The following CKAP2 variants were observed in gnomAD, a reference collection of about 807,000 sequenced individuals.
CKAP2 encodes the protein cytoskeleton-associated protein 2.
Under a neutral mutation model 58.4 loss-of-function variants are expected in CKAP2, and 46 were observed. The ratio of observed to expected loss-of-function variants is 0.79; its 90% confidence interval spans 0.62 to 1.01. The LOEUF (loss-of-function observed/expected upper bound fraction) is 1.01, where lower values mean the gene tolerates loss of function less well. Among genes scored for constraint, CKAP2 ranks in the 50% least tolerant of loss-of-function variants. The probability of loss-of-function intolerance (pLI) is 0.00; values close to 1 mark genes in which losing one functional copy is unlikely to be tolerated. For missense variants in CKAP2, 809 were observed against 796.4 expected (o/e 1.02, Z -0.19); for synonymous variants, 293 against 280.9 (o/e 1.04, Z -0.43).
intron 2 of CKAP2, among the ~76,000 whole-genome samples, chr13:52,459,318 A>T (rs987834194): frequency 6.6e-6 from 1 of 151,796 alleles, no homozygotes; most frequent in Non-Finnish European, 1.5e-5. Context: ...ATATATATAT[A>T]TTTTGTTTTG....
chr13:52,456,030 G>C, intron 1 of CKAP2: 1 of 1,046,048 alleles, frequency 9.6e-7, no homozygotes, highest in Non-Finnish European at 1.1e-6. Context: ...CAGGGCTGGG[G>C]TCGCATCATG....
chr13:52,465,542 ATAACT>A, intron 6 of CKAP2, 77 bp downstream of exon 6: 1 of 1,308,288 alleles, frequency 7.6e-7, no homozygotes, highest in Non-Finnish European at 1.1e-6. Context: ...ACATCACAAC[ATAACT>A]TGAGAAAATT....
At chr13:52,462,252 A>G (rs1958597435) in intron 4 of CKAP2, 111 bp from the exon 5 acceptor site, 1 of 886,010 alleles carries the variant, frequency 1.1e-6, no homozygotes, top group Non-Finnish European at 1.7e-6. Context: ...TGTGAACTAT[A>G]TATGCCATTA....
chr13:52,466,724 A>T (rs1958682916), intron 6 of CKAP2, among the ~76,000 whole-genome samples: 1 of 152,194 alleles, frequency 6.6e-6, no homozygotes, highest in Non-Finnish European at 1.5e-5. Flanking sequence ...TATAGTCTCA[A>T]CTACTTGGGA....
chr13:52,473,924 A>C lies in CKAP2; in HGVS notation c.1642A>C (p.Met548Leu), dbSNP rs570389838. ...TGATGTAGATCCAGAAAAACTGGAA[A>C]TGGAGAGTAAACTTCATAGAAATTT... ...GVDVDPEKLE[M>L]ESKLHRNLLF... is the part of the protein sequence containing the mutation. The change falls in exon 8 of 9, where the codon ATG (methionine) becomes CTG (leucine). Residue 548 changes from methionine (M) to leucine (L), a missense_variant. This residue lies in a region of CKAP2 where 283 missense variants were observed against 287.6 expected (regional missense o/e 0.98). Transcript: ENST00000258607. The C allele has an allele frequency of 6.2e-7, 1 of 1,614,000 alleles. No individual in the cohort carries two copies. The highest frequency in any genetic ancestry group is 8.5e-7 in the Non-Finnish European group (1 of 1,180,000).
At chr13:52,473,796 C>A in intron 7 of CKAP2, 33 bp from the exon 8 acceptor site, 1 of 1,550,698 alleles carries the variant, frequency 6.4e-7, no homozygotes, top group South Asian at 1.2e-5. Context: ...AAAATTCAGC[C>A]AAAAGCTTAA....
Position 52,473,584 on chromosome 13 carries a change from G to A in CKAP2, c.1547-245G>A, listed in dbSNP as rs1958787778. On this transcript the variant is annotated intron_variant, in intron 7 of 8. Coordinates refer to ENST00000258607, the MANE Select transcript of CKAP2 (RefSeq NM_018204.5). The stretch of plus-strand genomic sequence containing the variant: ...TCTCCCTATACCACAGGCAAAGTTA[G>A]TTGTTTCTTTTTGTGGGTTTTAATA... The A allele has an allele frequency of 7.9e-6, 3 of 378,824 alleles. No homozygotes were observed. The Admixed American group carries it at 1.2e-4, about 16-fold the overall frequency. The allele number at this position is 378,824 out of a possible 1,614,324, so 23.5% of individuals were successfully genotyped here.
Position 52,465,441 on chromosome 13 carries a change from G to A in CKAP2, c.1452G>A (p.Glu484=), listed in dbSNP as rs1360857981. 6.2e-7 allele frequency: 1 copy of A among 1,613,358 alleles called. No homozygotes were observed. Among genetic ancestry groups the A allele is most frequent in the Non-Finnish European group, 8.5e-7 (1 of 1,179,634 alleles). The change falls in exon 6 of 9, where the codon GAG becomes GAA. Residue 484 remains glutamate, a synonymous_variant. Coordinates refer to ENST00000258607, the MANE Select transcript of CKAP2 (RefSeq NM_018204.5). ...SPIENIIAIY[E]KAILAGAQPI... is the part of the protein sequence containing the mutation. ...TTGAAAATATTATTGCAATCTATGA[G>A]AAAGCCATTCTGGCAGGGGCTCAGG...
At position 52,455,604 on chromosome 13, in the gene CKAP2, G is replaced by T; in HGVS notation, c.48G>T (p.Gln16His). The T allele has an allele frequency of 6.2e-7, 1 of 1,611,856 alleles. No homozygotes were observed. Among genetic ancestry groups the T allele is most frequent in the Non-Finnish European group, 8.5e-7 (1 of 1,179,446 alleles). The change falls in exon 1 of 9, where the codon CAG becomes CAT. Residue 16 changes from glutamine (Q) to histidine (H), a missense_variant. Physicochemically the swap from Gln to His is conservative, Grantham distance 24. This residue lies in a region of CKAP2 where 523 missense variants were observed against 492.4 expected (regional missense o/e 1.06). Coordinates refer to ENST00000258607, the MANE Select transcript of CKAP2 (RefSeq NM_018204.5). ...VPQDLQLPPS[Q>H]RAQSAFKEQR... is the part of the protein sequence containing the mutation. Reference sequence around the variant, plus strand: ...AGGACCTGCAGCTGCCCCCGAGTCAGAGGGCGCAGTCCGCATTCAAAGGTG... The same window carrying T: ...AGGACCTGCAGCTGCCCCCGAGTCATAGGGCGCAGTCCGCATTCAAAGGTG...
At chr13:52,470,132 G>A (rs1209064893) in intron 7 of CKAP2, among the ~76,000 whole-genome samples, 2 of 147,638 alleles carry the variant, frequency 1.4e-5, no homozygotes, top group African/African-American at 5.0e-5. Context: ...TTTTGAAAGA[G>A]TCTTGCTCTG....
chr13:52,455,619 A>G lies in CKAP2; in HGVS notation c.63A>G (p.Ala21=). Residue 21 remains alanine, a synonymous_variant, in exon 1 of 9, where the codon GCA becomes GCG. Transcript: ENST00000258607. The part of the protein sequence containing the change: ...QLPPSQRAQS[A]FKEQRRQKLK... ...CCCCGAGTCAGAGGGCGCAGTCCGC[A>G]TTCAAAGGTGAAGGCCGCGGTGGCG... is the stretch of plus-strand genomic sequence containing the variant. 6.2e-7 allele frequency: 1 copy of G among 1,607,226 alleles called. No individual in the cohort carries two copies. The highest frequency in any genetic ancestry group is 8.5e-7 in the Non-Finnish European group (1 of 1,177,656).
chr13:52,463,823 G>C lies in CKAP2; in HGVS notation c.1305+1256G>C, dbSNP rs74085802. 4.1e-3 allele frequency among the ~76,000 whole-genome samples: 631 copies of C among 152,270 alleles called. 5 individuals are homozygous for C. The highest frequency in any genetic ancestry group is 0.015 in the African/African-American group (611 of 41,524). Reference sequence around the variant, plus strand: ...AAGTTTCTCTTTGATTTTATAAAGGGACATGATTTCTTTTTCTGTTCTGGA... The same window carrying C: ...AAGTTTCTCTTTGATTTTATAAAGGCACATGATTTCTTTTTCTGTTCTGGA... On this transcript the variant is annotated intron_variant, in intron 5 of 8. Transcript: ENST00000258607.
intron 5 of CKAP2, among the ~76,000 whole-genome samples, chr13:52,464,380 C>CT (rs1284886660): frequency 6.6e-6 from 1 of 152,056 alleles, no homozygotes; most frequent in East Asian, 1.9e-4. Flanking sequence ...TGGTAAAACT[C>CT]TGTCTCTACT....
At chr13:52,467,610 G>A (rs1009620611) in intron 6 of CKAP2, among the ~76,000 whole-genome samples, 1 of 152,000 alleles carries the variant, frequency 6.6e-6, no homozygotes, top group East Asian at 1.9e-4. Flanking sequence ...TCGAGAGGCT[G>A]AGGCAAGAGA....
Position 52,461,252 on chromosome 13 carries a change from A to G in CKAP2, c.426A>G (p.Thr142=), listed in dbSNP as rs1283421094. The G allele has an allele frequency of 6.2e-7, 1 of 1,613,838 alleles. No individual in the cohort carries two copies. The highest frequency in any genetic ancestry group is 8.5e-7 in the Non-Finnish European group (1 of 1,179,940). ...ATGATCCCCAAAGTCAACATATGAC[A>G]TTAAGCCAGGCATTTCACCTTAAAA... ...TEDDPQSQHM[T]LSQAFHLKNN... is the part of the protein sequence containing the mutation. Residue 142 remains threonine (T), a synonymous_variant, in exon 4 of 9, where the codon ACA becomes ACG. Transcript: ENST00000258607.
intron 2 of CKAP2, among the ~76,000 whole-genome samples, chr13:52,460,197 T>G (rs1237369198): frequency 1.3e-5 from 2 of 152,066 alleles, no homozygotes; most frequent in Non-Finnish European, 2.9e-5. Flanking sequence ...AATTAAGCTG[T>G]GAATGGCATA....
rs183848910 is a variant in CKAP2, at chr13:52,471,216, G to A, written c.1547-2613G>A. ...CTGTCTCTTATTCACAAAAGACAGC[G>A]ACGTGGAAATTCAAATTTCATAAAA... is the stretch of plus-strand genomic sequence containing the variant. On this transcript the variant is annotated intron_variant, in intron 7 of 8. Coordinates refer to ENST00000258607, the MANE Select transcript of CKAP2 (RefSeq NM_018204.5). 1.1e-4 allele frequency among the ~76,000 whole-genome samples: 16 copies of A among 152,168 alleles called. No homozygotes were observed. The East Asian group carries it at 2.7e-3, about 26-fold the overall frequency.
chr13:52,473,876 G>A lies in CKAP2; in HGVS notation c.1594G>A (p.Val532Ile), dbSNP rs1199247660. 4 of 1,613,468 alleles carry A rather than the reference G, an allele frequency of 2.5e-6. No homozygotes were observed. Among genetic ancestry groups the A allele is most frequent in the Non-Finnish European group, 3.4e-6 (4 of 1,179,650 alleles). Residue 532 changes from valine (V) to isoleucine (I), a missense_variant, in exon 8 of 9, where the codon GTC becomes ATC. By Grantham distance (29) the Val-to-Ile change is conservative. This residue lies in a region of CKAP2 where 283 missense variants were observed against 287.6 expected (regional missense o/e 0.98). Transcript: ENST00000258607. ...TGCAAGCAAGGAAGAAGTCAAAGAA[G>A]TCAGTATTGAAGATACAGGTGTTGA... ...SCASKEEVKE[V>I]SIEDTGVDVD...
Position 52,473,863 on chromosome 13 carries a change from A to G in CKAP2, c.1581A>G (p.Glu527=). ...TGGAGAAGTCTTGTGCAAGCAAGGA[A>G]GAAGTCAAAGAAGTCAGTATTGAAG... ...ENMEKSCASK[E]EVKEVSIEDT... Residue 527 remains glutamate (E), a synonymous_variant, in exon 8 of 9, where the codon GAA becomes GAG. Coordinates refer to ENST00000258607, the MANE Select transcript of CKAP2 (RefSeq NM_018204.5). 6.2e-7 allele frequency: 1 copy of G among 1,612,390 alleles called. No individual in the cohort carries two copies. The highest frequency in any genetic ancestry group is 8.5e-7 in the Non-Finnish European group (1 of 1,179,264).
Sources: allele counts gnomAD v4.1 joint callset (sites outside exome capture counted in the v4.1 genomes callset), GRCh38; gene constraint gnomAD v4.1.1; regional missense constraint gnomAD v4.1.1; transcripts MANE v1.5; gene names NCBI Gene and HGNC (gene_info 2026-07-23, HGNC 2026-07-21).